Variants in CLRN1 observed in about 807,000 individuals in gnomAD.
CLRN1 encodes clarin-1.
A neutral mutation model predicts 18.7 loss-of-function variants in CLRN1; 15 were observed. The ratio of observed to expected loss-of-function variants is 0.80; its 90% confidence interval spans 0.54 to 1.23. The LOEUF (loss-of-function observed/expected upper bound fraction) is 1.23, where lower values mean the gene tolerates loss of function less well. Among genes scored for constraint, CLRN1 ranks in the 50% most tolerant of loss-of-function variants. The probability of loss-of-function intolerance (pLI) is 0.00; values close to 1 mark genes in which losing one functional copy is unlikely to be tolerated. For synonymous variants in CLRN1, 104 were observed against 102.9 expected (o/e 1.01, Z -0.07); for missense variants, 311 against 277.5 (o/e 1.12, Z -0.86).
chr3:150,961,071 A>G (rs1715003325), intron 1 of CLRN1, among the ~76,000 whole-genome samples: 1 of 152,226 alleles, frequency 6.6e-6, no homozygotes, highest in Non-Finnish European at 1.5e-5. Flanking sequence ...GGCTGTGGAC[A>G]AAGCATAAGA....
chr3:150,948,377 G>C (rs1275749681), intron 1 of CLRN1, among the ~76,000 whole-genome samples: 1 of 150,980 alleles, frequency 6.6e-6, no homozygotes, highest in Non-Finnish European at 1.5e-5. Flanking sequence ...CCAGCTACTC[G>C]GGAGGCTGAG....
chr3:150,942,713 C>G (rs1345872725), intron 1 of CLRN1: 3 of 351,994 alleles, frequency 8.5e-6, no homozygotes. Context: ...AAAATGGCCA[C>G]AATCAATGCT....
chr3:150,938,033 C>A (rs1713598103), intron 2 of CLRN1, among the ~76,000 whole-genome samples: 1 of 152,122 alleles, frequency 6.6e-6, no homozygotes, highest in Admixed American at 6.6e-5. Context: ...GGGTGCCCAT[C>A]CAGCAGGGAA....
intron 1 of CLRN1, among the ~76,000 whole-genome samples, chr3:150,947,845 C>T (rs1714256993): frequency 6.6e-6 from 1 of 152,046 alleles, no homozygotes; most frequent in African/African-American, 2.4e-5. Flanking sequence ...GAAGTTTTTT[C>T]AAACTAATGA....
At chr3:150,970,925 C>A (rs1715505714) in intron 1 of CLRN1, among the ~76,000 whole-genome samples, 1 of 152,144 alleles carries the variant, frequency 6.6e-6, no homozygotes. Flanking sequence ...ATATAAAGTG[C>A]TTAGTATGTA....
In CLRN1 at chr3:150,949,434, A is replaced by G. The variant is rs573367376; in HGVS notation, c.254-7673T>C. ...AGTCAAACTAAATCTGTTTGCAGAG[A>G]ACATGATTCTATATCTAAAAAACCC... is the stretch of plus-strand genomic sequence containing the variant. On this transcript the variant is annotated intron_variant, in intron 1 of 2. Coordinates refer to ENST00000327047, the MANE Select transcript of CLRN1 (RefSeq NM_174878.3). Among the ~76,000 whole-genome samples, 7 of 152,312 alleles carry G rather than the reference A, an allele frequency of 4.6e-5. No homozygotes were observed. In the South Asian group the frequency reaches 1.0e-3, roughly 23 times the overall value.
chr3:150,948,108 C>A (rs1714273099), intron 1 of CLRN1, among the ~76,000 whole-genome samples: 1 of 152,132 alleles, frequency 6.6e-6, no homozygotes. Context: ...AATCCAGGAG[C>A]TGGTTTTTTG....
chr3:150,951,682 A>G (rs949452713), intron 1 of CLRN1, among the ~76,000 whole-genome samples: 4 of 152,174 alleles, frequency 2.6e-5, no homozygotes, highest in African/African-American at 9.7e-5. Flanking sequence ...ATTGGCTCAC[A>G]GTTCTCCAGG....
chr3:150,929,429 T>C (rs9289826), intron 2 of CLRN1, among the ~76,000 whole-genome samples: 90,281 of 152,066 alleles, frequency 0.59, 28,448 homozygotes, highest in Non-Finnish European at 0.7. Context: ...GCCACCACAA[T>C]AGGGTTCCAG....
chr3:150,963,840 G>A (rs1012238465), intron 1 of CLRN1, among the ~76,000 whole-genome samples: 1 of 152,188 alleles, frequency 6.6e-6, no homozygotes, highest in Admixed American at 6.5e-5. Flanking sequence ...AATAAATGGT[G>A]TTGGGAAAAC....
chr3:150,946,275 C>T (rs1576634888), intron 1 of CLRN1, among the ~76,000 whole-genome samples: 1 of 152,164 alleles, frequency 6.6e-6, no homozygotes, highest in African/African-American at 2.4e-5. Flanking sequence ...GAGGTAGGTA[C>T]CATTATTAAA....
intron 1 of CLRN1, among the ~76,000 whole-genome samples, chr3:150,954,913 A>G (rs1714664044): frequency 6.6e-6 from 1 of 152,248 alleles, no homozygotes; most frequent in Non-Finnish European, 1.5e-5. Flanking sequence ...TATTTACCTA[A>G]GAGAATTGAA....
At chr3:150,928,541 A>C (rs1045623548) in intron 2 of CLRN1, among the ~76,000 whole-genome samples, 2 of 152,238 alleles carry the variant, frequency 1.3e-5, no homozygotes, top group Non-Finnish European at 2.9e-5. Context: ...CTTTAAAGGC[A>C]TAATGGTGGA....
intron 1 of CLRN1, among the ~76,000 whole-genome samples, chr3:150,959,808 T>G (rs1396239235): frequency 6.6e-6 from 1 of 152,170 alleles, no homozygotes; most frequent in Admixed American, 6.5e-5. Context: ...TCTGCTGGGG[T>G]TTTCTATTAT....
chr3:150,962,995 G>T (rs1357174485), intron 1 of CLRN1, among the ~76,000 whole-genome samples: 1 of 152,162 alleles, frequency 6.6e-6, no homozygotes, highest in African/African-American at 2.4e-5. Flanking sequence ...CTTTTGTGAG[G>T]CTTCAATACT....
intron 1 of CLRN1, chr3:150,944,160 A>G: frequency 2.5e-6 from 1 of 405,638 alleles, no homozygotes; most frequent in East Asian, 5.6e-5. Context: ...CTACAGAAAG[A>G]ACTTTCCAGG....
At chr3:150,941,553 T>C in intron 2 of CLRN1, 29 bp downstream of exon 2, 1 of 1,610,570 alleles carries the variant, frequency 6.2e-7, no homozygotes, top group Non-Finnish European at 8.5e-7. Context: ...AAAGCACATT[T>C]GTCTTCAGAG....
intron 1 of CLRN1, chr3:150,945,783 G>A (rs1406837128): frequency 1.7e-6 from 1 of 595,746 alleles, no homozygotes; most frequent in Non-Finnish European, 2.5e-6. Context: ...TGTTAGCTAG[G>A]GTATGGGGAA....
chr3:150,962,816 G>A (rs1432448258), intron 1 of CLRN1, among the ~76,000 whole-genome samples: 2 of 152,214 alleles, frequency 1.3e-5, no homozygotes, highest in African/African-American at 4.8e-5. Flanking sequence ...TCATAAGCAT[G>A]TGACTTCCTC....
Sources: gnomAD v4.1 joint callset for allele counts (sites outside exome capture counted in the v4.1 genomes callset) on GRCh38, gnomAD v4.1.1 for gene constraint, MANE v1.5 for transcripts, NCBI Gene and HGNC (gene_info 2026-07-23, HGNC 2026-07-21) for gene names.